Variants in DACH1 observed in about 807,000 individuals in gnomAD.
DACH1 encodes the protein dachshund family transcription factor 1.
In DACH1, 12 loss-of-function variants were observed where a neutral mutation model predicts 54.2. The ratio of observed to expected loss-of-function variants is 0.22; its 90% CI spans 0.14 to 0.36. The LOEUF (loss-of-function observed/expected upper bound fraction) is 0.36. Among genes scored for constraint, DACH1 ranks in the 10% least tolerant of loss-of-function variants. DACH1 has a pLI of 1.00. For synonymous variants in DACH1, 386 were observed against 366.2 expected (o/e 1.05, Z -0.62); for missense variants, 805 against 929.8 (o/e 0.87, Z 1.75).
intron 2 of DACH1, among the ~76,000 whole-genome samples, chr13:71,658,289 C>A (rs991220165): frequency 6.6e-6 from 1 of 152,114 alleles, no homozygotes; most frequent in Non-Finnish European, 1.5e-5. Flanking sequence ...GTGGCTCATG[C>A]CTGTAATCCC....
intron 3 of DACH1, among the ~76,000 whole-genome samples, chr13:71,589,812 T>C (rs1873566648): frequency 1.3e-5 from 2 of 152,052 alleles, no homozygotes. Context: ...CTTAATATAA[T>C]TGATGTTTTA....
intron 4 of DACH1, among the ~76,000 whole-genome samples, chr13:71,560,304 T>C (rs145708385): frequency 9.5e-4 from 145 of 152,252 alleles, no homozygotes; most frequent in Middle Eastern, 3.4e-3. Context: ...TTATTTATCA[T>C]TTTGAAGAAA....
At chr13:71,583,423 G>A (rs1593934439) in intron 3 of DACH1, among the ~76,000 whole-genome samples, 1 of 152,064 alleles carries the variant, frequency 6.6e-6, no homozygotes, top group Non-Finnish European at 1.5e-5. Context: ...AAAGAAATAG[G>A]ATTTTTTAAA....
chr13:71,645,392 T>C (rs1878197254), intron 2 of DACH1, among the ~76,000 whole-genome samples: 1 of 152,212 alleles, frequency 6.6e-6, no homozygotes, highest in Admixed American at 6.5e-5. Flanking sequence ...GATTTAGTAA[T>C]AGCAAGAGTG....
chr13:71,774,565 T>C (rs1297437896), intron 1 of DACH1, among the ~76,000 whole-genome samples: 1 of 152,112 alleles, frequency 6.6e-6, no homozygotes, highest in African/African-American at 2.4e-5. Flanking sequence ...AATTTAGTTA[T>C]GATACCAACC....
In DACH1 at chr13:71,695,000, G is replaced by C. The variant is rs556275297; in HGVS notation, c.849-13090C>G. On this transcript the variant is annotated intron_variant, in intron 1 of 10. Coordinates refer to ENST00000613252, the MANE Select transcript of DACH1 (RefSeq NM_080759.6). ...AAGCATAGAATTATGGAGAATAAAA[G>C]TATAAGTTTTCTTATTATTTCAAAT... is the stretch of plus-strand genomic sequence containing the variant. Among the ~76,000 whole-genome samples, 160 of 152,150 alleles carry C rather than the reference G, an allele frequency of 1.1e-3. 2 individuals are homozygous for C. Among genetic ancestry groups the C allele is most frequent in the Middle Eastern group, 6.8e-3 (2 of 294 alleles).
At chr13:71,611,329 T>C (rs765921747) in intron 3 of DACH1, among the ~76,000 whole-genome samples, 1 of 152,220 alleles carries the variant, frequency 6.6e-6, no homozygotes, top group Admixed American at 6.5e-5. Flanking sequence ...TTCAATATCA[T>C]CTTGTGTACT....
chr13:71,848,323 T>C (rs1306994179), intron 1 of DACH1, among the ~76,000 whole-genome samples: 2 of 152,200 alleles, frequency 1.3e-5, no homozygotes. Context: ...AAAGTTAGTG[T>C]TAATACAATT....
chr13:71,443,246 C>A (rs1469511449), intron 10 of DACH1, among the ~76,000 whole-genome samples: 1 of 151,700 alleles, frequency 6.6e-6, no homozygotes, highest in Non-Finnish European at 1.5e-5. Context: ...TAAAATTAAT[C>A]TAGTTCAACT....
chr13:71,775,024 C>A (rs113731248), intron 1 of DACH1, among the ~76,000 whole-genome samples: 164 of 150,764 alleles, frequency 1.1e-3, no homozygotes, highest in Non-Finnish European at 2.1e-3. Context: ...GTGGTTCATG[C>A]CTATAATCCC....
In DACH1 at chr13:71,486,828, C is replaced by T. The variant is rs1478689140; in HGVS notation, c.1722+2169G>A. On this transcript the variant is annotated intron_variant, in intron 7 of 10. Transcript: ENST00000613252. ...TTTATTTATTTATCTATCTATCTAT[C>T]TATCTATCTATCTATCTATCTATCT... Among the ~76,000 whole-genome samples the T allele has an allele frequency of 1.6e-3, 210 of 128,742 alleles. 2 individuals are homozygous for T. In the East Asian group the frequency reaches 0.036, roughly 22 times the overall value. The allele number at this position is 128,742 out of a possible 152,430, so 84.5% of individuals were successfully genotyped here.
At chr13:71,857,306 T>C (rs970701159) in intron 1 of DACH1, among the ~76,000 whole-genome samples, 4 of 151,750 alleles carry the variant, frequency 2.6e-5, no homozygotes, top group African/African-American at 7.2e-5. Context: ...AATTAATTCT[T>C]TTTTTCTGTT....
In DACH1 at chr13:71,519,885, A is replaced by G. The variant is rs12017312; in HGVS notation, c.1571-30737T>C. On this transcript the variant is annotated intron_variant, in intron 6 of 10. Coordinates refer to ENST00000613252, the MANE Select transcript of DACH1 (RefSeq NM_080759.6). ...ATGTTTGTGTCCAAACCAAAGTAGT[A>G]TATATATATATATATATATATATCC... is the stretch of plus-strand genomic sequence containing the variant. Among the ~76,000 whole-genome samples the G allele has an allele frequency of 5.9e-3, 261 of 44,084 alleles. 11 individuals carry two copies. The highest frequency in any genetic ancestry group is 0.018 in the Non-Finnish European group (148 of 8,008). The allele number at this position is 44,084 out of a possible 152,430, so 28.9% of individuals were successfully genotyped here.
At chr13:71,564,254 A>C (rs1884768693) in intron 4 of DACH1, among the ~76,000 whole-genome samples, 1 of 152,062 alleles carries the variant, frequency 6.6e-6, no homozygotes, top group South Asian at 2.1e-4. Flanking sequence ...AAACTATGTA[A>C]ACTGGATTTA....
intron 3 of DACH1, among the ~76,000 whole-genome samples, chr13:71,614,853 C>CA (rs397978208): frequency 0.085 from 4,137 of 48,544 alleles, 209 homozygotes; most frequent in African/African-American, 0.16. Flanking sequence ...AACTCTATCT[C>CA]AAAAAAAAAA....
chr13:71,521,611 A>AT (rs1302480110), intron 6 of DACH1, among the ~76,000 whole-genome samples: 1 of 152,068 alleles, frequency 6.6e-6, no homozygotes, highest in Non-Finnish European at 1.5e-5. Flanking sequence ...GATGTCCAAC[A>AT]TTTTTTGACA....
chr13:71,643,653 T>TAGA (rs1007992665), intron 2 of DACH1, among the ~76,000 whole-genome samples: 1 of 152,068 alleles, frequency 6.6e-6, no homozygotes, highest in African/African-American at 2.4e-5. Context: ...AACCGAAAAA[T>TAGA]AGAAGAAGAA....
intron 3 of DACH1, among the ~76,000 whole-genome samples, chr13:71,574,167 A>G (rs1467569948): frequency 6.6e-6 from 1 of 152,192 alleles, no homozygotes; most frequent in Non-Finnish European, 1.5e-5. Flanking sequence ...CTCCATGTCA[A>G]TGCCACTCAA....
intron 1 of DACH1, among the ~76,000 whole-genome samples, chr13:71,839,977 C>T (rs1398688468): frequency 1.3e-5 from 2 of 152,128 alleles, no homozygotes; most frequent in Non-Finnish European, 2.9e-5. Context: ...GACAAAGTCT[C>T]ACTCTGTCAC....
Sources: allele counts gnomAD v4.1 joint callset (sites outside exome capture counted in the v4.1 genomes callset), GRCh38; gene constraint gnomAD v4.1.1; transcripts MANE v1.5; gene names NCBI Gene and HGNC (gene_info 2026-07-23, HGNC 2026-07-21).